EFCAB13: variants seen among roughly 807,000 people sequenced by gnomAD.
EFCAB13 encodes the protein EF-hand calcium binding domain 13.
A neutral mutation model predicts 110.2 loss-of-function variants in EFCAB13; 91 were observed. The observed-to-expected ratio is 0.83, with a 90% CI of 0.70 to 0.98. The LOEUF (loss-of-function observed/expected upper bound fraction) is 0.98. Ranked by LOEUF, EFCAB13 falls within the 50% of genes least tolerant of loss-of-function variation. EFCAB13 has a pLI of 0.00. For missense variants in EFCAB13, 968 were observed against 1,119.4 expected, an observed-to-expected ratio of 0.86 and a Z score of 1.93; for synonymous variants, 323 against 369.9, an observed-to-expected ratio of 0.87 and a Z score of 1.45.
chr17:47,327,820 A>C (rs763083072), intron 3 of EFCAB13, among the ~76,000 whole-genome samples: 40 of 152,314 alleles, frequency 2.6e-4, no homozygotes, highest in Middle Eastern at 3.4e-3. Context: ...TGAAGACCAC[A>C]GGCTTGGAGT....
At chr17:47,352,194 G>A (rs560971927) in intron 9 of EFCAB13, among the ~76,000 whole-genome samples, 198 of 151,898 alleles carry the variant, frequency 1.3e-3, no homozygotes, top group Non-Finnish European at 2.3e-3. Context: ...GAGCCACCAC[G>A]CCCGGCCTCA....
intron 9 of EFCAB13, among the ~76,000 whole-genome samples, chr17:47,353,196 G>A (rs1400779097): frequency 6.6e-6 from 1 of 152,052 alleles, no homozygotes; most frequent in Non-Finnish European, 1.5e-5. Flanking sequence ...TCCCCATTCA[G>A]TAGGATGTTG....
chr17:47,390,910 G>GTCTTA (rs1436843247), intron 14 of EFCAB13, among the ~76,000 whole-genome samples: 14 of 106,626 alleles, frequency 1.3e-4, no homozygotes, highest in African/African-American at 5.0e-4. Flanking sequence ...ATGTGTGTCT[G>GTCTTA]TCTGTCTATC....
At chr17:47,428,740 G>A (rs1388127661) in intron 23 of EFCAB13, among the ~76,000 whole-genome samples, 1 of 152,068 alleles carries the variant, frequency 6.6e-6, no homozygotes, top group Non-Finnish European at 1.5e-5. Flanking sequence ...GTATCATTTT[G>A]CTAAAAATGG....
Position 47,440,653 on chromosome 17 carries a change from A to G in EFCAB13, c.2861A>G (p.His954Arg), listed in dbSNP as rs1236676480. ...MNIKQHKISL[H>R]NFCLNSKANI... ...ATAAAACAACACAAGATTAGTTTAC[A>G]TAACTTCTGTTTGAATTCTAAGGCA... The change falls in exon 25 of 25, where the codon CAT (histidine) becomes CGT (arginine). Residue 954 changes from histidine (H) to arginine (R), a missense_variant. Coordinates refer to ENST00000331493, the MANE Select transcript of EFCAB13 (RefSeq NM_152347.5). 2 of 1,605,680 alleles carry G rather than the reference A, an allele frequency of 1.2e-6. No individual in the cohort carries two copies. The highest frequency in any genetic ancestry group is 2.2e-5 in the East Asian group (1 of 44,638).
chr17:47,335,451 A>G (rs2143234478), intron 5 of EFCAB13, 95 bp downstream of exon 5: 2 of 1,025,174 alleles, frequency 2.0e-6, no homozygotes, highest in South Asian at 1.7e-5. Context: ...CTCATAATGT[A>G]CCATGTGTAT....
chr17:47,438,698 G>A (rs945309379), intron 24 of EFCAB13, among the ~76,000 whole-genome samples: 3 of 151,776 alleles, frequency 2.0e-5, no homozygotes, highest in African/African-American at 7.3e-5. Context: ...TTCACTTCTT[G>A]TATCATATTT....
At chr17:47,372,262 G>T (rs1336284571) in intron 11 of EFCAB13, among the ~76,000 whole-genome samples, 1 of 151,608 alleles carries the variant, frequency 6.6e-6, no homozygotes, top group Non-Finnish European at 1.5e-5. Flanking sequence ...TTGATTTGTG[G>T]CTACTCTGAA....
intron 14 of EFCAB13, among the ~76,000 whole-genome samples, chr17:47,384,408 T>C (rs2065664818): frequency 6.6e-6 from 1 of 152,032 alleles, no homozygotes; most frequent in African/African-American, 2.4e-5. Flanking sequence ...ATAGTGTGAT[T>C]GGTCTTTATA....
At chr17:47,422,204 A>C (rs1904745879) in intron 23 of EFCAB13, among the ~76,000 whole-genome samples, 1 of 152,216 alleles carries the variant, frequency 6.6e-6, no homozygotes, top group Non-Finnish European at 1.5e-5. Flanking sequence ...AAATCATCTT[A>C]ATAGATGTAG....
At chr17:47,386,896 G>A (rs1185817611) in intron 14 of EFCAB13, among the ~76,000 whole-genome samples, 86 of 122,066 alleles carry the variant, frequency 7.0e-4, no homozygotes, top group African/African-American at 2.3e-3. Context: ...CCTCCCCGCC[G>A]CCGCCTGCTC....
At chr17:47,396,322 T>C (rs1421323673) in intron 17 of EFCAB13, among the ~76,000 whole-genome samples, 1 of 152,128 alleles carries the variant, frequency 6.6e-6, no homozygotes, top group Non-Finnish European at 1.5e-5. Flanking sequence ...ATAACAGTAC[T>C]TGGAATATTC....
intron 10 of EFCAB13, among the ~76,000 whole-genome samples, chr17:47,366,462 G>C (rs73324432): frequency 6.6e-6 from 1 of 152,126 alleles, no homozygotes; most frequent in Non-Finnish European, 1.5e-5. Context: ...TGGTCACTTA[G>C]CACCTTCAGA....
At chr17:47,412,418 A>T (rs2065840934) in intron 21 of EFCAB13, among the ~76,000 whole-genome samples, 2 of 152,238 alleles carry the variant, frequency 1.3e-5, no homozygotes, top group Admixed American at 1.3e-4. Flanking sequence ...AAGAGCTTCA[A>T]TCTCAAATTT....
intron 9 of EFCAB13, among the ~76,000 whole-genome samples, chr17:47,357,080 T>C (rs2065484939): frequency 6.6e-6 from 1 of 152,176 alleles, no homozygotes; most frequent in African/African-American, 2.4e-5. Context: ...TCACTCCCAC[T>C]GCGCTTCACC....
At position 47,412,862 on chromosome 17, in the gene EFCAB13, GTTAA is replaced by G. The variant is rs1198883542; in HGVS notation, c.2371_2374del (p.Asn791Ter). 1.2e-6 allele frequency: 2 copies of G among 1,613,890 alleles called. No homozygotes were observed. The highest frequency in any genetic ancestry group is 1.7e-6 in the Non-Finnish European group (2 of 1,179,894). ...GGAGCATGCCTTGAAATGTTTGAAT[GTTAA>G]TTTAACTGAGGAGGACTTCAATGAA... On this transcript the variant is annotated frameshift_variant, in exon 22 of 25. Coordinates refer to ENST00000331493, the MANE Select transcript of EFCAB13 (RefSeq NM_152347.5). LOFTEE classifies it high-confidence loss of function.
At chr17:47,332,955 G>A (rs1163707022) in intron 4 of EFCAB13, among the ~76,000 whole-genome samples, 3 of 152,020 alleles carry the variant, frequency 2.0e-5, no homozygotes, top group African/African-American at 4.8e-5. Flanking sequence ...TGGATCACAC[G>A]GTAATTCTGT....
intron 21 of EFCAB13, among the ~76,000 whole-genome samples, chr17:47,410,964 A>G (rs2065831322): frequency 6.6e-6 from 1 of 152,068 alleles, no homozygotes; most frequent in Admixed American, 6.6e-5. Flanking sequence ...GTTTTCGATT[A>G]TTTGATTAAT....
chr17:47,404,400 T>C (rs2065794728), intron 19 of EFCAB13, among the ~76,000 whole-genome samples, 162 bp from the exon 20 acceptor site: 1 of 152,116 alleles, frequency 6.6e-6, no homozygotes, highest in African/African-American at 2.4e-5. Context: ...CCTACAACAT[T>C]GTAGGGTTAT....
Sources: allele counts gnomAD v4.1 joint callset (sites outside exome capture counted in the v4.1 genomes callset), GRCh38; gene constraint gnomAD v4.1.1; transcripts MANE v1.5; gene names NCBI Gene and HGNC (gene_info 2026-07-23, HGNC 2026-07-21).